Variants in OPHN1 observed in about 807,000 individuals in gnomAD.
OPHN1 encodes oligophrenin 1.
A neutral mutation model predicts 60.7 loss-of-function variants in OPHN1; 11 were observed. The ratio of observed to expected loss-of-function variants is 0.18; its 90% CI spans 0.11 to 0.30. The LOEUF (loss-of-function observed/expected upper bound fraction) is 0.30, where lower values mean the gene tolerates loss of function less well. Ranked by LOEUF, OPHN1 falls within the 10% of genes least tolerant of loss-of-function variation. The pLI, the probability that OPHN1 is intolerant of heterozygous loss-of-function variation, is 1.00. For synonymous variants in OPHN1, 226 were observed against 222.6 expected (o/e 1.02, Z -0.14); for missense variants, 449 against 611.0 (o/e 0.73, Z 2.80).
chrX:68,112,128 G>A (rs761934355), intron 17 of OPHN1, among the ~76,000 whole-genome samples, 169 bp from the exon 18 acceptor site: 1 of 108,172 alleles, frequency 9.2e-6, no homozygotes, highest in African/African-American at 3.4e-5. Context: ...GACACACACA[G>A]AGAGAGAGAT....
At chrX:68,159,314 C>T (rs1191524848) in intron 15 of OPHN1, among the ~76,000 whole-genome samples, 1 of 111,446 alleles carries the variant, frequency 9.0e-6, no homozygotes, top group Non-Finnish European at 1.9e-5. Context: ...CTGAGAAAAG[C>T]CCACCTATGG....
intron 10 of OPHN1, among the ~76,000 whole-genome samples, chrX:68,205,574 CT>C (rs908986376): frequency 3.6e-5 from 4 of 111,975 alleles, no homozygotes; most frequent in African/African-American, 9.7e-5. Context: ...GGAGCTAAAT[CT>C]TGTGGTTAAA....
At chrX:68,253,698 C>T (rs2077847102) in intron 5 of OPHN1, among the ~76,000 whole-genome samples, 1 of 112,072 alleles carries the variant, frequency 8.9e-6, no homozygotes, top group South Asian at 3.7e-4. Context: ...GAAATCACTG[C>T]CAAATATGTT....
At chrX:68,316,809 C>T (rs1264546000) in intron 2 of OPHN1, among the ~76,000 whole-genome samples, 1 of 112,034 alleles carries the variant, frequency 8.9e-6, no homozygotes, top group African/African-American at 3.2e-5. Flanking sequence ...AACCTCATTA[C>T]ACTTGCAACC....
intron 6 of OPHN1, among the ~76,000 whole-genome samples, chrX:68,219,336 C>T (rs371352283): frequency 1.0e-4 from 9 of 90,014 alleles, no homozygotes; most frequent in Non-Finnish European, 2.0e-4. Context: ...TAATGGGAGA[C>T]TTTAACACCC....
intron 21 of OPHN1, among the ~76,000 whole-genome samples, chrX:68,059,370 TAGG>T (rs2076884943): frequency 9.0e-6 from 1 of 111,079 alleles, no homozygotes; most frequent in African/African-American, 3.3e-5. Flanking sequence ...AGGCACAGAG[TAGG>T]AGGAGGTTGA....
chrX:68,056,049 A>G (rs1184965765), intron 21 of OPHN1, among the ~76,000 whole-genome samples: 4 of 111,119 alleles, frequency 3.6e-5, no homozygotes, highest in Non-Finnish European at 7.5e-5. Flanking sequence ...ACATATATAC[A>G]TATGTAACAA....
At chrX:68,132,843 C>A in intron 15 of OPHN1, 1 of 262,680 alleles carries the variant, frequency 3.8e-6, no homozygotes, top group South Asian at 8.3e-5. Context: ...AGTCCGCTCC[C>A]GGTCCCTGGC....
intron 15 of OPHN1, among the ~76,000 whole-genome samples, chrX:68,192,381 C>T (rs1343061343): frequency 2.8e-5 from 3 of 108,843 alleles, no homozygotes; most frequent in Non-Finnish European, 5.7e-5. Context: ...CGCCTATAGT[C>T]CCAGCTACCC....
chrX:68,191,177 A>C (rs771031306), intron 15 of OPHN1, among the ~76,000 whole-genome samples: 12 of 112,011 alleles, frequency 1.1e-4, no homozygotes, highest in Admixed American at 2.9e-4. Flanking sequence ...GAAAGGAAGA[A>C]GGGTAGGTTT....
intron 2 of OPHN1, among the ~76,000 whole-genome samples, chrX:68,328,165 G>A (rs1341884795): frequency 5.8e-5 from 5 of 86,950 alleles, no homozygotes; most frequent in Admixed American, 1.4e-4. Context: ...GTCCCGCTCT[G>A]TCGCCCAGGC....
At chrX:68,220,592 T>G (rs2077649919) in intron 6 of OPHN1, among the ~76,000 whole-genome samples, 1 of 88,957 alleles carries the variant, frequency 1.1e-5, no homozygotes, top group Non-Finnish European at 2.2e-5. Flanking sequence ...CATGATCAAG[T>G]GGGCTTCATC....
chrX:68,313,145 C>T (rs2078182089), intron 2 of OPHN1, among the ~76,000 whole-genome samples: 1 of 111,342 alleles, frequency 9.0e-6, no homozygotes, highest in South Asian at 3.8e-4. Context: ...GAAAGGAAGG[C>T]TTTTATCCAA....
intron 2 of OPHN1, among the ~76,000 whole-genome samples, chrX:68,399,485 T>G (rs2147764963): frequency 9.0e-6 from 1 of 111,284 alleles, no homozygotes; most frequent in African/African-American, 3.3e-5. Context: ...ACCCCGTCTC[T>G]ACTAAAATTA....
intron 2 of OPHN1, among the ~76,000 whole-genome samples, chrX:68,395,427 C>T (rs1209381854): frequency 9.1e-6 from 1 of 110,059 alleles, no homozygotes; most frequent in African/African-American, 3.3e-5. Flanking sequence ...CAACACCATG[C>T]CCAGCTAATT....
At chrX:68,132,869 C>A (rs2077203264) in intron 15 of OPHN1, 2 of 281,493 alleles carry the variant, frequency 7.1e-6, no homozygotes, top group Non-Finnish European at 1.2e-5. Flanking sequence ...AGCGACCTGG[C>A]GAACCAGGCG....
chrX:68,327,781 T>TA (rs1365326279), intron 2 of OPHN1, among the ~76,000 whole-genome samples: 4 of 52,386 alleles, frequency 7.6e-5, no homozygotes, highest in Non-Finnish European at 1.5e-4. Flanking sequence ...TCAATAAAAA[T>TA]AAAAAATAAA....
In OPHN1 at chrX:68,413,396, T is replaced by C. The variant is rs773794819; in HGVS notation, c.154+19471A>G. Among the ~76,000 whole-genome samples the C allele has an allele frequency of 7.2e-5, 8 of 110,829 alleles. No homozygotes were observed. The South Asian group carries it at 1.9e-3, about 27-fold the overall frequency. On this transcript the variant is annotated intron_variant, in intron 2 of 24. Coordinates refer to ENST00000355520, the MANE Select transcript of OPHN1 (RefSeq NM_002547.3). Reference sequence around the variant, plus strand: ...AGGGGAAGGTGGGCAGATTCAAAGATACAGTGCTGGAAAAGAAGATATCCC... The same window carrying C: ...AGGGGAAGGTGGGCAGATTCAAAGACACAGTGCTGGAAAAGAAGATATCCC...
chrX:68,190,226 T>G, intron 15 of OPHN1, among the ~76,000 whole-genome samples: 1 of 111,986 alleles, frequency 8.9e-6, no homozygotes, highest in Non-Finnish European at 1.9e-5. Context: ...GAAAGGTAAC[T>G]GAGAGACAGT....
Sources: gnomAD v4.1 joint callset for allele counts (sites outside exome capture counted in the v4.1 genomes callset) on GRCh38, gnomAD v4.1.1 for gene constraint, MANE v1.5 for transcripts, NCBI Gene and HGNC (gene_info 2026-07-23, HGNC 2026-07-21) for gene names.